The following WDR35 variants were observed in gnomAD, a reference collection of about 807,000 sequenced individuals.
WDR35 encodes the protein WD repeat-containing protein 35.
Under a neutral mutation model 158.3 loss-of-function variants are expected in WDR35, and 118 were observed. That is an observed-to-expected ratio of 0.75 (90% CI 0.64 to 0.87). The LOEUF is 0.87. WDR35 is among the 40% of genes least tolerant of loss of function. The probability of loss-of-function intolerance (pLI) is 0.00; values close to 1 mark genes in which losing one functional copy is unlikely to be tolerated. For missense variants in WDR35, 1,263 were observed against 1,405.8 expected, an observed-to-expected ratio of 0.90 and a Z score of 1.62; for synonymous variants, 448 against 476.1, an observed-to-expected ratio of 0.94 and a Z score of 0.77.
intron 10 of WDR35, among the ~76,000 whole-genome samples, chr2:19,964,249 C>A (rs550324248): frequency 6.6e-6 from 1 of 152,176 alleles, no homozygotes; most frequent in African/African-American, 2.4e-5. Flanking sequence ...TGTTTTTATT[C>A]ACTGAGCTAG....
intron 24 of WDR35, 90 bp downstream of exon 24, chr2:19,931,179 G>T: frequency 2.1e-6 from 3 of 1,419,468 alleles, no homozygotes; most frequent in South Asian, 1.3e-5. Flanking sequence ...CAAATTAAAT[G>T]ACCTATCCAT....
Position 19,966,886 on chromosome 2 carries a change from T to C in WDR35, c.1032A>G (p.Val344=). ...NYKWGYCSNT[V]VYAYTRPDRP... is the part of the protein sequence containing the mutation. ...GATCAGGTCTGGTATATGCATAAAC[T>C]ACAGTGTTTGAGCAATAACCCCACT... The change falls in exon 10 of 27, where the codon GTA becomes GTG. Residue 344 remains valine (V), a synonymous_variant. Transcript: ENST00000281405. 1.9e-6 allele frequency: 3 copies of C among 1,613,820 alleles called. No homozygotes were observed. The highest frequency in any genetic ancestry group is 1.1e-5 in the South Asian group (1 of 91,060).
intron 26 of WDR35, 31 bp downstream of exon 26, chr2:19,914,006 G>T: frequency 1.2e-6 from 2 of 1,612,750 alleles, no homozygotes; most frequent in South Asian, 2.2e-5. Flanking sequence ...TAATAAGATA[G>T]AATGGCATCC....
At chr2:19,988,492 G>A (rs922568749) in intron 2 of WDR35, among the ~76,000 whole-genome samples, 3 of 152,128 alleles carry the variant, frequency 2.0e-5, no homozygotes, top group Non-Finnish European at 4.4e-5. Flanking sequence ...AAAATGTAAT[G>A]CAGTTTAACC....
At chr2:19,965,423 G>A (rs1322710494) in intron 10 of WDR35, among the ~76,000 whole-genome samples, 1 of 152,190 alleles carries the variant, frequency 6.6e-6, no homozygotes, top group Non-Finnish European at 1.5e-5. Flanking sequence ...TTTACTGTAA[G>A]GTGATGGGCA....
At chr2:19,986,412 A>C (rs1294349478) in intron 2 of WDR35, among the ~76,000 whole-genome samples, 1 of 152,232 alleles carries the variant, frequency 6.6e-6, no homozygotes, top group Non-Finnish European at 1.5e-5. Flanking sequence ...CCCAGAAGCA[A>C]GTTCTCAGGA....
rs775800151 is a variant in WDR35 at position 19,990,017 on chromosome 2, G to T, written c.-2C>A. 3.1e-6 allele frequency: 5 copies of T among 1,613,938 alleles called. No individual in the cohort carries two copies. The South Asian group carries it at 3.3e-5, about 11-fold the overall frequency. ...TTTCTTGCTCAGGTAGAAGAACATC[G>T]TGGGATCCCCGAGAGGGTCACGGCG... On this transcript the variant is annotated 5_prime_UTR_variant, in exon 1 of 27. Transcript: ENST00000281405.
chr2:19,943,749 G>A (rs1670949427), intron 16 of WDR35, among the ~76,000 whole-genome samples: 1 of 152,008 alleles, frequency 6.6e-6, no homozygotes, highest in Non-Finnish European at 1.5e-5. Context: ...TACCTTCAGA[G>A]GGTCACTGGA....
At chr2:19,928,666 G>C (rs1162149222) in intron 25 of WDR35, among the ~76,000 whole-genome samples, 1 of 152,126 alleles carries the variant, frequency 6.6e-6, no homozygotes, top group African/African-American at 2.4e-5. Context: ...AAGACTGACA[G>C]ACATGACTAT....
At position 19,981,471 on chromosome 2, in the gene WDR35, C is replaced by T. The variant is rs114663303; in HGVS notation, c.215-688G>A. The stretch of plus-strand genomic sequence containing the variant: ...CACTTGTTCTTCTCATTCCAAGATC[C>T]AATCTAGGATTATACAGTGCATTTA... On this transcript the variant is annotated intron_variant, in intron 3 of 26. Transcript: ENST00000281405. Among the ~76,000 whole-genome samples, 318 of 152,240 alleles carry T rather than the reference C, an allele frequency of 2.1e-3. 2 individuals are homozygous for T. Among genetic ancestry groups the T allele is most frequent in the African/African-American group, 7.1e-3 (294 of 41,540 alleles).
At chr2:19,923,550 G>A (rs989130785) in intron 25 of WDR35, among the ~76,000 whole-genome samples, 3 of 152,188 alleles carry the variant, frequency 2.0e-5, no homozygotes, top group African/African-American at 7.2e-5. Flanking sequence ...CGGTAAAGGA[G>A]AGAGGTTCAT....
intron 11 of WDR35, among the ~76,000 whole-genome samples, chr2:19,955,592 CACAA>C (rs200492032): frequency 0.016 from 2,490 of 152,292 alleles, 33 homozygotes; most frequent in Non-Finnish European, 0.025. Context: ...AAAACTCCGT[CACAA>C]ACAGATTATA....
chr2:19,950,516 T>C (rs1056924027), intron 13 of WDR35, among the ~76,000 whole-genome samples: 1 of 152,190 alleles, frequency 6.6e-6, no homozygotes, highest in African/African-American at 2.4e-5. Context: ...GTTTTTAAGA[T>C]GGCATCTATT....
chr2:19,918,825 T>G (rs190219114), intron 25 of WDR35, among the ~76,000 whole-genome samples: 14 of 152,196 alleles, frequency 9.2e-5, no homozygotes, highest in Admixed American at 8.5e-4. Context: ...GTTGTCAATA[T>G]TAGACAGATC....
chr2:19,922,571 G>A (rs1343966082), intron 25 of WDR35, among the ~76,000 whole-genome samples: 9 of 151,228 alleles, frequency 6.0e-5, no homozygotes, highest in African/African-American at 2.2e-4. Context: ...CCTGTAGGGG[G>A]TGGGGGGCTG....
intron 10 of WDR35, among the ~76,000 whole-genome samples, chr2:19,964,350 CTTTT>C (rs996279668): frequency 7.2e-6 from 1 of 138,906 alleles, no homozygotes; most frequent in Non-Finnish European, 1.6e-5. Flanking sequence ...CCTGTTCACT[CTTTT>C]TTTTTCTTTT....
At position 19,912,762 on chromosome 2, in the gene WDR35, C is replaced by T. The variant is rs919355614; in HGVS notation, c.*796G>A. ...CAAATTAATAATAAATGAAAACAGA[C>T]GCATATCAAGAAAAAATCACTCCCT... On this transcript the variant is annotated 3_prime_UTR_variant, in exon 27 of 27. Coordinates refer to ENST00000281405, the MANE Select transcript of WDR35 (RefSeq NM_020779.4). 3.3e-5 allele frequency: 5 copies of T among 152,078 alleles called. No homozygotes were observed. Among genetic ancestry groups the T allele is most frequent in the Admixed American group, 6.6e-5 (1 of 15,260 alleles). 9.4% of individuals were successfully genotyped at this position (152,078 alleles called of 1,614,324 possible).
rs375975125 is a variant in WDR35 at position 19,985,296 on chromosome 2, C to A, written c.143-2762G>T. Among the ~76,000 whole-genome samples the A allele has an allele frequency of 1.8e-4, 27 of 148,166 alleles. No individual in the cohort carries two copies. In the South Asian group the frequency reaches 4.5e-3, roughly 25 times the overall value. ...CAGGGCCATCATCCTCAAACCCTACCACAAGCAGCTCCAACCCAGGGCCAT... is the reference window on the plus strand; with the variant it reads ...CAGGGCCATCATCCTCAAACCCTACAACAAGCAGCTCCAACCCAGGGCCAT... On this transcript the variant is annotated intron_variant, in intron 2 of 26. Transcript: ENST00000281405.
intron 18 of WDR35, 36 bp downstream of exon 18, chr2:19,938,229 C>T (rs752776689): frequency 2.5e-6 from 4 of 1,613,686 alleles, no homozygotes; most frequent in East Asian, 2.2e-5. Context: ...AAAACCTACA[C>T]CTGACATCCT....
Sources: gnomAD v4.1 joint callset for allele counts (sites outside exome capture counted in the v4.1 genomes callset) on GRCh38, gnomAD v4.1.1 for gene constraint, MANE v1.5 for transcripts, NCBI Gene and HGNC (gene_info 2026-07-23, HGNC 2026-07-21) for gene names.